The following FILIP1L variants were observed in gnomAD, a reference collection of about 807,000 sequenced individuals.
FILIP1L encodes the protein filamin A interacting protein 1 like, also known as filamin A-interacting protein 1-like.
A neutral mutation model predicts 96.6 loss-of-function variants in FILIP1L; 55 were observed. The observed-to-expected ratio is 0.57, with a 90% CI of 0.46 to 0.71. The LOEUF is 0.71. Among genes scored for constraint, FILIP1L ranks in the 30% least tolerant of loss-of-function variants. FILIP1L has a pLI of 0.00. For missense variants in FILIP1L, 1,304 were observed against 1,321.2 expected (o/e 0.99, Z 0.20); for synonymous variants, 467 against 473.9 (o/e 0.99, Z 0.19).
rs1943531253 is a variant in FILIP1L at position 99,849,229 on chromosome 3, A to C, written c.2447T>G (p.Ile816Ser). 1 of 1,614,020 alleles carries C rather than the reference A, an allele frequency of 6.2e-7. No individual in the cohort carries two copies. The highest frequency in any genetic ancestry group is 1.3e-5 in the African/African-American group (1 of 74,928). Reference sequence around the variant, plus strand: ...ATTGATGACTGCACGTTCCAGAGGAATGAGGCTCTTGTAATCAGGTGGTTC... The same window carrying C: ...ATTGATGACTGCACGTTCCAGAGGACTGAGGCTCTTGTAATCAGGTGGTTC... The part of the protein sequence containing the change: ...DNEPPDYKSL[I>S]PLERAVINGQ... The change falls in exon 5 of 6, where the codon ATT becomes AGT. Residue 816 changes from isoleucine (I) to serine (S), a missense_variant. Transcript: ENST00000477258.
At chr3:99,885,071 TC>T (rs1373890401) in intron 4 of FILIP1L, among the ~76,000 whole-genome samples, 1 of 152,216 alleles carries the variant, frequency 6.6e-6, no homozygotes, top group South Asian at 2.1e-4. Flanking sequence ...CTTTCAGCAG[TC>T]AACTATAGGC....
chr3:99,948,754 AAAGG>A (rs1321850967), intron 1 of FILIP1L, among the ~76,000 whole-genome samples: 4 of 151,530 alleles, frequency 2.6e-5, no homozygotes, highest in Non-Finnish European at 4.4e-5. Context: ...AAAAAGAGGA[AAAGG>A]AAGGAAGGAA....
chr3:100,077,386 G>A (rs557220509), intron 1 of FILIP1L, among the ~76,000 whole-genome samples: 2 of 152,184 alleles, frequency 1.3e-5, no homozygotes, highest in Non-Finnish European at 2.9e-5. Flanking sequence ...GAGTGTTTCA[G>A]GACAGCAACC....
At chr3:99,972,998 A>G (rs1005963751) in intron 1 of FILIP1L, among the ~76,000 whole-genome samples, 2 of 152,234 alleles carry the variant, frequency 1.3e-5, no homozygotes, top group African/African-American at 4.8e-5. Context: ...AATAGGCCAG[A>G]GAATTTGGGA....
intron 1 of FILIP1L, among the ~76,000 whole-genome samples, chr3:99,991,900 A>C (rs189626128): frequency 6.7e-6 from 1 of 149,310 alleles, no homozygotes; most frequent in African/African-American, 2.5e-5. Flanking sequence ...ATGTGTGTAT[A>C]TATATACATA....
chr3:100,063,691 TTG>T (rs2065613126), intron 1 of FILIP1L, among the ~76,000 whole-genome samples: 1 of 152,030 alleles, frequency 6.6e-6, no homozygotes. Flanking sequence ...GGTTAGTGAG[TTG>T]TGTGTGTTGG....
intron 1 of FILIP1L, among the ~76,000 whole-genome samples, chr3:99,966,577 A>G (rs1354986956): frequency 6.6e-6 from 1 of 152,204 alleles, no homozygotes; most frequent in Non-Finnish European, 1.5e-5. Context: ...AACAAGTAGG[A>G]CAACTATTAT....
chr3:100,070,777 A>G (rs755124067), intron 1 of FILIP1L, among the ~76,000 whole-genome samples: 5 of 152,152 alleles, frequency 3.3e-5, no homozygotes, highest in Non-Finnish European at 5.9e-5. Flanking sequence ...GATTAAAGGC[A>G]TGTGCCACCA....
intron 4 of FILIP1L, among the ~76,000 whole-genome samples, chr3:99,904,819 ACT>A (rs1213544975): frequency 6.6e-6 from 1 of 151,702 alleles, no homozygotes; most frequent in Non-Finnish European, 1.5e-5. Context: ...CCCTAATTTC[ACT>A]GTTTCTACAA....
intron 4 of FILIP1L, among the ~76,000 whole-genome samples, chr3:99,875,478 T>C (rs554727295): frequency 3.9e-5 from 6 of 152,334 alleles, no homozygotes; most frequent in Middle Eastern, 6.8e-3. Context: ...AAAACTATGA[T>C]AGTTACTTCC....
chr3:99,832,619 GA>G (rs2107487014), intron 5 of FILIP1L, among the ~76,000 whole-genome samples: 1 of 145,406 alleles, frequency 6.9e-6, no homozygotes, highest in African/African-American at 2.5e-5. Context: ...GAGGCGGGCG[GA>G]TCACTTGAGG....
intron 1 of FILIP1L, among the ~76,000 whole-genome samples, chr3:100,047,412 C>G (rs78321452): frequency 4.6e-5 from 7 of 152,144 alleles, no homozygotes; most frequent in Non-Finnish European, 7.4e-5. Flanking sequence ...TTCTGGAAAG[C>G]TTTTATGACT....
intron 1 of FILIP1L, among the ~76,000 whole-genome samples, chr3:100,005,243 T>C (rs1709955364): frequency 6.6e-6 from 1 of 152,232 alleles, no homozygotes; most frequent in South Asian, 2.1e-4. Context: ...TAATTTTCTT[T>C]TTCTCAGATT....
intron 1 of FILIP1L, among the ~76,000 whole-genome samples, chr3:100,038,490 T>C (rs1316296581): frequency 6.6e-6 from 1 of 152,196 alleles, no homozygotes; most frequent in African/African-American, 2.4e-5. Context: ...ACTCAGTCAG[T>C]TGTAGTTTCT....
intron 1 of FILIP1L, among the ~76,000 whole-genome samples, chr3:99,962,017 G>T (rs767762671): frequency 5.9e-5 from 9 of 152,150 alleles, no homozygotes; most frequent in Non-Finnish European, 1.2e-4. Context: ...CTGATTGGGG[G>T]TTAGGGATGT....
chr3:99,850,679 G>A lies in FILIP1L; in HGVS notation c.997C>T (p.Gln333Ter). 6.2e-7 allele frequency: 1 copy of A among 1,614,036 alleles called. No individual in the cohort carries two copies. Among genetic ancestry groups the A allele is most frequent in the South Asian group, 1.1e-5 (1 of 91,070 alleles). The change falls in exon 5 of 6, where the codon CAG (glutamine) becomes TAG (stop). Residue 333 changes from glutamine (Q) to a stop codon, truncating the protein, a stop_gained. Transcript: ENST00000477258. LOFTEE classifies it high-confidence loss of function. ...TTTGTCTCTTCTAACTCATCAATCTGCCGGCTGAGTGCTGCCAGCTTTTGT... is the reference window on the plus strand; with the variant it reads ...TTTGTCTCTTCTAACTCATCAATCTACCGGCTGAGTGCTGCCAGCTTTTGT... Reference protein sequence around the residue: ...LQQKLAALSRQIDELEETNRS... With the variant: ...LQQKLAALSR
At chr3:99,879,721 AACTTTG>A (rs1315167375) in intron 4 of FILIP1L, among the ~76,000 whole-genome samples, 1 of 152,222 alleles carries the variant, frequency 6.6e-6, no homozygotes, top group African/African-American at 2.4e-5. Context: ...TGGTAATGCT[AACTTTG>A]TATATGACAT....
chr3:99,884,921 T>C, intron 4 of FILIP1L, among the ~76,000 whole-genome samples: 1 of 152,210 alleles, frequency 6.6e-6, no homozygotes, highest in East Asian at 1.9e-4. Context: ...GTTTCTTTAC[T>C]TCCTTGACCA....
At chr3:99,865,908 A>T (rs1944489175) in intron 4 of FILIP1L, among the ~76,000 whole-genome samples, 1 of 152,074 alleles carries the variant, frequency 6.6e-6, no homozygotes, top group Non-Finnish European at 1.5e-5. Flanking sequence ...TTCTTTAGAA[A>T]ATCATTCCAA....
Sources: gnomAD v4.1 joint callset for allele counts (sites outside exome capture counted in the v4.1 genomes callset) on GRCh38, gnomAD v4.1.1 for gene constraint, MANE v1.5 for transcripts, NCBI Gene and HGNC (gene_info 2026-07-23, HGNC 2026-07-21) for gene names.